TRABD2B: variants seen among roughly 807,000 people sequenced by gnomAD.
TRABD2B encodes the protein TraB domain containing 2B.
Under a neutral mutation model 40.1 loss-of-function variants are expected in TRABD2B, and 14 were observed. The ratio of observed to expected loss-of-function variants is 0.35; its 90% CI spans 0.23 to 0.55. TRABD2B has a LOEUF of 0.55. Among genes scored for constraint, TRABD2B ranks in the 20% least tolerant of loss-of-function variants. TRABD2B has a pLI of 0.90. For missense variants in TRABD2B, 541 were observed against 648.6 expected (o/e 0.83, Z 1.80); for synonymous variants, 263 against 277.0 (o/e 0.95, Z 0.50).
intron 2 of TRABD2B, among the ~76,000 whole-genome samples, chr1:47,962,224 G>T (rs572746500): frequency 3.1e-4 from 46 of 146,352 alleles, no homozygotes; most frequent in Admixed American, 2.4e-3. Context: ...GGGGTGGGGG[G>T]ATGGGGGAGG....
intron 2 of TRABD2B, among the ~76,000 whole-genome samples, chr1:47,923,959 CACACACACACAT>C (rs1644938055): frequency 7.5e-6 from 1 of 133,044 alleles, no homozygotes; most frequent in African/African-American, 3.1e-5. Flanking sequence ...CACACACACA[CACACACACACAT>C]CCTATTAGTT....
intron 2 of TRABD2B, among the ~76,000 whole-genome samples, chr1:47,830,725 C>A (rs916826414): frequency 6.6e-6 from 1 of 152,184 alleles, no homozygotes; most frequent in East Asian, 1.9e-4. Context: ...CTTAGCCCAG[C>A]CTGCCTGCAT....
At chr1:47,786,502 G>A (rs1027712742) in intron 4 of TRABD2B, among the ~76,000 whole-genome samples, 17 of 152,222 alleles carry the variant, frequency 1.1e-4, no homozygotes, top group African/African-American at 2.4e-5. Context: ...AAGCAGCAAC[G>A]GCGACTCTGG....
chr1:47,841,455 C>T (rs1392584931), intron 2 of TRABD2B, among the ~76,000 whole-genome samples: 2 of 152,206 alleles, frequency 1.3e-5, no homozygotes, highest in African/African-American at 4.8e-5. Context: ...TCACACAACC[C>T]ACCCCTATCT....
chr1:47,996,560 G>A lies in TRABD2B; in HGVS notation c.102+128C>T, dbSNP rs1189154944. Reference sequence around the variant, plus strand: ...CAGGAGCGAAGGAAGGGCGCCCGAGGCTGCGCCCGGGGGGTGGAGGTGGAG... The same window carrying A: ...CAGGAGCGAAGGAAGGGCGCCCGAGACTGCGCCCGGGGGGTGGAGGTGGAG... On this transcript the variant is annotated intron_variant, in intron 1 of 6. Coordinates refer to ENST00000606738, the MANE Select transcript of TRABD2B (RefSeq NM_001194986.2). This position sits in a 1 kb window ranked among gnomAD's most constrained non-coding sequence, Gnocchi z 4.6. 3 of 1,089,304 alleles carry A rather than the reference G, an allele frequency of 2.8e-6. No homozygotes were observed. The African/African-American group carries it at 5.0e-5, about 18-fold the overall frequency. The allele number at this position is 1,089,304 out of a possible 1,614,324, so 67.5% of individuals were successfully genotyped here.
intron 2 of TRABD2B, among the ~76,000 whole-genome samples, chr1:47,883,293 T>A (rs1057097668): frequency 5.3e-5 from 8 of 152,218 alleles, no homozygotes; most frequent in Non-Finnish European, 1.0e-4. Context: ...CTTGACATTG[T>A]CTCAAAATTG....
chr1:47,791,231 T>G (rs2124192793), intron 4 of TRABD2B, among the ~76,000 whole-genome samples: 1 of 152,266 alleles, frequency 6.6e-6, no homozygotes, highest in East Asian at 1.9e-4. Flanking sequence ...CTTGGCCCCA[T>G]CCAGACTCCA....
chr1:47,877,209 G>C (rs568995834), intron 2 of TRABD2B, among the ~76,000 whole-genome samples: 5 of 151,924 alleles, frequency 3.3e-5, no homozygotes, highest in African/African-American at 1.2e-4. Context: ...AATGGGGCTG[G>C]GGGGTGGGCA....
chr1:47,983,868 C>G (rs534122441), intron 2 of TRABD2B, among the ~76,000 whole-genome samples: 42 of 151,922 alleles, frequency 2.8e-4, no homozygotes, highest in Non-Finnish European at 5.4e-4. Flanking sequence ...AATTGCAAAC[C>G]GCGATGCAAA....
chr1:47,777,703 C>T (rs190704918), intron 5 of TRABD2B, among the ~76,000 whole-genome samples: 206 of 152,290 alleles, frequency 1.4e-3, no homozygotes, highest in African/African-American at 4.7e-3. Context: ...TTTCAAACTC[C>T]GGGTCTTTAT....
intron 2 of TRABD2B, among the ~76,000 whole-genome samples, chr1:47,850,567 TC>T (rs1230509816): frequency 7.2e-5 from 11 of 152,344 alleles, no homozygotes; most frequent in Admixed American, 1.3e-4. Context: ...ACCCTTGGTC[TC>T]CCACACTCCA....
intron 2 of TRABD2B, among the ~76,000 whole-genome samples, chr1:47,826,790 C>G (rs1645181776): frequency 6.6e-6 from 1 of 152,130 alleles, no homozygotes; most frequent in Admixed American, 6.5e-5. Context: ...CCAGGCTGGT[C>G]TCAAACTCCT....
At chr1:47,777,539 A>C (rs1289619345) in intron 5 of TRABD2B, among the ~76,000 whole-genome samples, 1 of 151,888 alleles carries the variant, frequency 6.6e-6, no homozygotes, top group Non-Finnish European at 1.5e-5. Flanking sequence ...AAGTGACTTC[A>C]CCTCTCTGGG....
intron 2 of TRABD2B, among the ~76,000 whole-genome samples, chr1:47,876,636 A>G (rs1213992025): frequency 6.6e-6 from 1 of 152,200 alleles, no homozygotes; most frequent in Non-Finnish European, 1.5e-5. Flanking sequence ...GTTCCTCAGA[A>G]GCCTACCTGC....
intron 2 of TRABD2B, among the ~76,000 whole-genome samples, chr1:47,849,397 T>C (rs1182837633): frequency 6.6e-6 from 1 of 152,174 alleles, no homozygotes; most frequent in Non-Finnish European, 1.5e-5. Flanking sequence ...TGGCAGCACC[T>C]TGACCTTGGA....
At chr1:47,859,207 C>A (rs1361685019) in intron 2 of TRABD2B, among the ~76,000 whole-genome samples, 1 of 152,118 alleles carries the variant, frequency 6.6e-6, no homozygotes, top group African/African-American at 2.4e-5. Flanking sequence ...CTTTTGTTTC[C>A]CCCATCCTTC....
intron 2 of TRABD2B, among the ~76,000 whole-genome samples, chr1:47,963,795 C>A (rs79327849): frequency 1.3e-5 from 2 of 152,134 alleles, no homozygotes; most frequent in African/African-American, 2.4e-5. Context: ...TACATGTTTG[C>A]GTCCCAATAA....
chr1:47,806,126 G>A (rs1001505144), intron 2 of TRABD2B, among the ~76,000 whole-genome samples: 10 of 152,216 alleles, frequency 6.6e-5, no homozygotes, highest in African/African-American at 1.4e-4. Flanking sequence ...ACTTCAGCGC[G>A]GTATGTGCTC....
At chr1:47,862,541 G>A (rs1425294532) in intron 2 of TRABD2B, among the ~76,000 whole-genome samples, 1 of 138,630 alleles carries the variant, frequency 7.2e-6, no homozygotes, top group Non-Finnish European at 1.6e-5. Context: ...AACAAAATAT[G>A]CACAAGATAT....
Sources: allele counts gnomAD v4.1 joint callset (sites outside exome capture counted in the v4.1 genomes callset), GRCh38; gene constraint gnomAD v4.1.1; non-coding constraint Gnocchi (gnomAD v3.1); transcripts MANE v1.5; gene names NCBI Gene and HGNC (gene_info 2026-07-23, HGNC 2026-07-21).